The following COL21A1 variants were observed in gnomAD, a reference collection of about 807,000 sequenced individuals.
COL21A1 encodes the protein collagen type XXI alpha 1 chain, also known as collagen alpha-1(XXI) chain.
A neutral mutation model predicts 137.9 loss-of-function variants in COL21A1; 149 were observed. That is an observed-to-expected ratio of 1.08 (90% CI 0.95 to 1.24). The LOEUF is 1.24. COL21A1 is among the 50% of genes most tolerant of loss of function. COL21A1 has a pLI of 0.00. For missense variants in COL21A1, 1,167 were observed against 1,158.4 expected (o/e 1.01, Z -0.11); for synonymous variants, 456 against 391.5 (o/e 1.16, Z -1.95).
chr6:56,289,543 A>T (rs1210313008), intron 1 of COL21A1, among the ~76,000 whole-genome samples: 1 of 152,218 alleles, frequency 6.6e-6, no homozygotes, highest in Non-Finnish European at 1.5e-5. Flanking sequence ...AGTCTCCAGC[A>T]TCTAGAAAAG....
intron 1 of COL21A1, among the ~76,000 whole-genome samples, chr6:56,201,550 A>G (rs1779408732): frequency 6.6e-6 from 1 of 152,152 alleles, no homozygotes; most frequent in South Asian, 2.1e-4. Flanking sequence ...AGCGTCATTT[A>G]TTAAATAGGG....
At chr6:56,193,581 G>A (rs1315862598) in intron 1 of COL21A1, among the ~76,000 whole-genome samples, 1 of 151,994 alleles carries the variant, frequency 6.6e-6, no homozygotes, top group African/African-American at 2.4e-5. Flanking sequence ...CATTTGCAAA[G>A]TCAGTATTCA....
intron 1 of COL21A1, among the ~76,000 whole-genome samples, chr6:56,346,470 T>C (rs895531239): frequency 6.6e-6 from 1 of 152,244 alleles, no homozygotes; most frequent in African/African-American, 2.4e-5. Flanking sequence ...AAAGCTACTT[T>C]ATGTGAAATA....
intron 16 of COL21A1, among the ~76,000 whole-genome samples, chr6:56,118,750 T>A (rs527405482): frequency 6.6e-6 from 1 of 152,074 alleles, no homozygotes; most frequent in Non-Finnish European, 1.5e-5. Flanking sequence ...GTGGGATTCA[T>A]CGCTGGGATA....
At chr6:56,369,384 A>C (rs908625798) in intron 1 of COL21A1, among the ~76,000 whole-genome samples, 2 of 151,918 alleles carry the variant, frequency 1.3e-5, no homozygotes, top group African/African-American at 4.8e-5. Context: ...CACACAGCAA[A>C]AGAAATCTAA....
intron 1 of COL21A1, among the ~76,000 whole-genome samples, chr6:56,233,280 C>T (rs1310920818): frequency 2.0e-5 from 3 of 151,596 alleles, no homozygotes; most frequent in Non-Finnish European, 1.5e-5. Flanking sequence ...ATTGCAAACA[C>T]GAAAATAGGC....
At chr6:56,370,301 T>C (rs551912137) in intron 1 of COL21A1, among the ~76,000 whole-genome samples, 37 of 152,250 alleles carry the variant, frequency 2.4e-4, no homozygotes, top group East Asian at 9.7e-4. Context: ...TTCCTCAGAG[T>C]TCAGCTTCCA....
At chr6:56,178,887 T>C (rs1219625345) in intron 3 of COL21A1, among the ~76,000 whole-genome samples, 1 of 152,134 alleles carries the variant, frequency 6.6e-6, no homozygotes, top group Admixed American at 6.5e-5. Context: ...ACTTTAAAAA[T>C]GTCAGTAATT....
chr6:56,066,057 CA>C (rs1246442249), intron 23 of COL21A1, among the ~76,000 whole-genome samples: 4 of 151,804 alleles, frequency 2.6e-5, no homozygotes, highest in African/African-American at 7.3e-5. Context: ...GGAAAGATGA[CA>C]AGTTCAGTTT....
At chr6:56,314,650 A>G (rs1764690580) in intron 1 of COL21A1, among the ~76,000 whole-genome samples, 1 of 152,170 alleles carries the variant, frequency 6.6e-6, no homozygotes, top group Admixed American at 6.5e-5. Context: ...TTTTAACAAC[A>G]CGAAAAGCTT....
intron 1 of COL21A1, among the ~76,000 whole-genome samples, chr6:56,265,838 A>C (rs1763378325): frequency 6.6e-6 from 1 of 152,272 alleles, no homozygotes; most frequent in South Asian, 2.1e-4. Context: ...TTAAATAATG[A>C]ATAAAATGAC....
At chr6:56,106,345 T>C (rs1204806615) in intron 16 of COL21A1, among the ~76,000 whole-genome samples, 2 of 152,216 alleles carry the variant, frequency 1.3e-5, no homozygotes, top group Non-Finnish European at 2.9e-5. Flanking sequence ...CTCTGTTCTA[T>C]ATCCCATTCT....
At chr6:56,076,263 C>A (rs1767230554) in intron 18 of COL21A1, among the ~76,000 whole-genome samples, 1 of 151,322 alleles carries the variant, frequency 6.6e-6, no homozygotes, top group Non-Finnish European at 1.5e-5. Context: ...GAAATGGTAT[C>A]CATGGCTACC....
chr6:56,269,848 G>A (rs116696555), intron 1 of COL21A1, among the ~76,000 whole-genome samples: 12,412 of 151,980 alleles, frequency 0.082, 712 homozygotes, highest in African/African-American at 0.16. Flanking sequence ...ATAAGCAAAG[G>A]AGAAATAAAA....
chr6:56,099,012 G>T (rs1430666733), intron 17 of COL21A1, among the ~76,000 whole-genome samples: 2 of 150,682 alleles, frequency 1.3e-5, no homozygotes, highest in East Asian at 4.0e-4. Flanking sequence ...ACTGCACCCG[G>T]CCTATGTTTA....
chr6:56,069,519 A>G (rs1191188239), intron 21 of COL21A1, among the ~76,000 whole-genome samples: 1 of 150,664 alleles, frequency 6.6e-6, no homozygotes, highest in Admixed American at 6.6e-5. Flanking sequence ...AAAAAAGCTT[A>G]TTTTCTTGTT....
chr6:56,142,365 A>G (rs1427565340), intron 10 of COL21A1, among the ~76,000 whole-genome samples: 1 of 152,220 alleles, frequency 6.6e-6, no homozygotes, highest in African/African-American at 2.4e-5. Context: ...TAAACCACCT[A>G]ATTAATGGCC....
intron 1 of COL21A1, among the ~76,000 whole-genome samples, chr6:56,284,574 C>G (rs1353389281): frequency 6.6e-6 from 1 of 152,062 alleles, no homozygotes; most frequent in Non-Finnish European, 1.5e-5. Flanking sequence ...AGTGCAATAG[C>G]CTCCTAACAG....
chr6:56,214,298 G>A (rs1190494369), intron 1 of COL21A1, among the ~76,000 whole-genome samples: 1 of 151,946 alleles, frequency 6.6e-6, no homozygotes, highest in Non-Finnish European at 1.5e-5. Flanking sequence ...AATAAATCTG[G>A]CAACTTAAAA....
Sources: allele counts gnomAD v4.1 joint callset (sites outside exome capture counted in the v4.1 genomes callset), GRCh38; gene constraint gnomAD v4.1.1; transcripts MANE v1.5; gene names NCBI Gene and HGNC (gene_info 2026-07-23, HGNC 2026-07-21).